MEI4: variants seen among roughly 807,000 people sequenced by gnomAD.
MEI4 encodes meiotic double-stranded break formation protein 4.
MEI4 carries 27 observed loss-of-function variants against 31.4 expected under a neutral mutation model. That is an observed-to-expected ratio of 0.86 (90% CI 0.63 to 1.19). The LOEUF is 1.19. MEI4 is among the 50% of genes most tolerant of loss of function. The pLI is 0.00. For synonymous variants in MEI4, 122 were observed against 145.4 expected, an observed-to-expected ratio of 0.84 and a Z score of 1.16; for missense variants, 329 against 398.9, an observed-to-expected ratio of 0.82 and a Z score of 1.49.
intron 3 of MEI4, among the ~76,000 whole-genome samples, chr6:77,765,094 G>A (rs1187630083): frequency 6.6e-6 from 1 of 152,174 alleles, no homozygotes; most frequent in Non-Finnish European, 1.5e-5. Flanking sequence ...CAATAGCTAT[G>A]ACCTTAGACA....
chr6:77,833,382 AT>A (rs1339050267), intron 4 of MEI4, among the ~76,000 whole-genome samples: 1 of 152,114 alleles, frequency 6.6e-6, no homozygotes, highest in African/African-American at 2.4e-5. Flanking sequence ...AGTTTTTAAA[AT>A]TTTTATATGA....
chr6:77,677,036 A>G (rs1768857633), intron 1 of MEI4, among the ~76,000 whole-genome samples: 1 of 152,170 alleles, frequency 6.6e-6, no homozygotes, highest in Non-Finnish European at 1.5e-5. Flanking sequence ...AATGGTCTAT[A>G]GAGAGGCAAA....
At chr6:77,863,636 A>C (rs1194877307) in intron 4 of MEI4, among the ~76,000 whole-genome samples, 8 of 152,240 alleles carry the variant, frequency 5.3e-5, no homozygotes, top group Non-Finnish European at 7.3e-5. Context: ...AGAGAATGGA[A>C]CCAAGTTGGA....
At chr6:77,675,727 A>G (rs1768832551) in intron 1 of MEI4, among the ~76,000 whole-genome samples, 1 of 152,124 alleles carries the variant, frequency 6.6e-6, no homozygotes, top group African/African-American at 2.4e-5. Flanking sequence ...CATAGATATA[A>G]CATCAATTTT....
intron 2 of MEI4, among the ~76,000 whole-genome samples, chr6:77,731,553 G>A (rs1338336038): frequency 2.6e-5 from 4 of 151,476 alleles, no homozygotes; most frequent in East Asian, 2.0e-4. Flanking sequence ...AGTAGGTTGT[G>A]AAAATTTTCT....
At chr6:77,739,397 A>C (rs1436884123) in intron 2 of MEI4, among the ~76,000 whole-genome samples, 1 of 152,206 alleles carries the variant, frequency 6.6e-6, no homozygotes, top group Non-Finnish European at 1.5e-5. Flanking sequence ...GCAGCCATAG[A>C]ATAGAATGAG....
At chr6:77,827,317 C>T (rs192284382) in intron 3 of MEI4, among the ~76,000 whole-genome samples, 39 of 147,790 alleles carry the variant, frequency 2.6e-4, no homozygotes, top group Admixed American at 1.2e-3. Context: ...GTGGAGATCC[C>T]GCCACTGCAC....
upstream of MEI4, among the ~76,000 whole-genome samples, chr6:77,651,871 C>T (rs1282254858): frequency 6.6e-6 from 1 of 152,008 alleles, no homozygotes; most frequent in Admixed American, 6.5e-5. Flanking sequence ...GTCTGAATGC[C>T]AGTATTTGGA....
At chr6:77,667,512 T>C (rs1287991608) in intron 1 of MEI4, among the ~76,000 whole-genome samples, 2 of 152,210 alleles carry the variant, frequency 1.3e-5, no homozygotes, top group East Asian at 3.9e-4. Context: ...TCATTTGGCA[T>C]TCATATATAA....
rs539795022 is a variant in MEI4, at chr6:77,900,067, G to GA, written c.901-23013dup. Among the ~76,000 whole-genome samples the GA allele has an allele frequency of 7.6e-4, 113 of 148,580 alleles. 1 individual carries two copies. The highest frequency in any genetic ancestry group is 2.1e-4 in the South Asian group (1 of 4,676). On this transcript the variant is annotated intron_variant, in intron 4 of 4. Transcript: ENST00000684080. ...ATGGAAAAGCTTCTGAACAGCAAAGGAAAAAAAAATGAAGAAACCCACAAT... is the reference window on the plus strand; with the variant it reads ...ATGGAAAAGCTTCTGAACAGCAAAGGAAAAAAAAAATGAAGAAACCCACAAT...
intron 4 of MEI4, among the ~76,000 whole-genome samples, chr6:77,885,035 G>A (rs1370410726): frequency 6.6e-6 from 1 of 151,708 alleles, no homozygotes; most frequent in Non-Finnish European, 1.5e-5. Context: ...GCTTTCATCA[G>A]AAGTTTGTAA....
At chr6:77,742,444 C>T (rs1337893846) in intron 2 of MEI4, among the ~76,000 whole-genome samples, 1 of 152,074 alleles carries the variant, frequency 6.6e-6, no homozygotes, top group Non-Finnish European at 1.5e-5. Flanking sequence ...TGTTCATGTC[C>T]TTTGCCCACT....
chr6:77,784,336 C>G (rs1212964300), intron 3 of MEI4, among the ~76,000 whole-genome samples: 1 of 152,050 alleles, frequency 6.6e-6, no homozygotes, highest in Admixed American at 6.6e-5. Context: ...CAATATGATG[C>G]TATGTATTTT....
chr6:77,924,460 G>GTGAC lies in MEI4; in HGVS notation c.*1115_*1118dup, dbSNP rs1766796963. The GTGAC allele has an allele frequency of 6.6e-6, 1 of 151,744 alleles. No homozygotes were observed. The highest frequency in any genetic ancestry group is 1.5e-5 in the Non-Finnish European group (1 of 67,872). The allele number at this position is 151,744 out of a possible 1,614,324, so 9.4% of individuals were successfully genotyped here. A position where few individuals can be genotyped will look rare whatever the true frequency, so the allele number is the denominator to read the frequency against. ...ATGTATGTCAGTCAGCTTTTGTTAT[G>GTGAC]TGACAGATAGATAATCAATCACAAA... On this transcript the variant is annotated 3_prime_UTR_variant, in exon 5 of 5. Coordinates refer to ENST00000684080, the MANE Select transcript of MEI4 (RefSeq NM_001322247.2).
intron 3 of MEI4, among the ~76,000 whole-genome samples, chr6:77,791,407 C>T (rs919996470): frequency 1.8e-4 from 27 of 151,198 alleles, no homozygotes; most frequent in Admixed American, 5.9e-4. Flanking sequence ...TGGAAATCAT[C>T]ATTCTCAGTA....
chr6:77,735,499 A>C (rs1379400448), intron 2 of MEI4, among the ~76,000 whole-genome samples: 1 of 151,838 alleles, frequency 6.6e-6, no homozygotes, highest in Admixed American at 6.6e-5. Flanking sequence ...TCCTTTAAGC[A>C]CTTCTCTGTA....
intron 3 of MEI4, among the ~76,000 whole-genome samples, chr6:77,797,074 G>C (rs1769098785): frequency 6.6e-6 from 1 of 152,102 alleles, no homozygotes; most frequent in African/African-American, 2.4e-5. Flanking sequence ...AGGATGCCAA[G>C]AATAAAAAAT....
At chr6:77,863,780 A>G (rs1770938128) in intron 4 of MEI4, among the ~76,000 whole-genome samples, 1 of 152,196 alleles carries the variant, frequency 6.6e-6, no homozygotes, top group Non-Finnish European at 1.5e-5. Flanking sequence ...CATAATTGTC[A>G]GATTCACCAA....
intron 3 of MEI4, among the ~76,000 whole-genome samples, chr6:77,799,213 T>C (rs1001983132): frequency 5.9e-5 from 9 of 152,146 alleles, no homozygotes; most frequent in Admixed American, 2.6e-4. Flanking sequence ...TATCTCATTG[T>C]GGTTTTGATT....
Sources: allele counts gnomAD v4.1 joint callset (sites outside exome capture counted in the v4.1 genomes callset), GRCh38; gene constraint gnomAD v4.1.1; transcripts MANE v1.5; gene names NCBI Gene and HGNC (gene_info 2026-07-23, HGNC 2026-07-21).